The following CYP1A1 variants were observed in gnomAD, a reference collection of about 807,000 sequenced individuals.
CYP1A1 encodes the protein cytochrome P450 1A1.
A neutral mutation model predicts 33.6 loss-of-function variants in CYP1A1; 43 were observed. That is an observed-to-expected ratio of 1.28 (90% CI 1.00 to 1.65). The LOEUF (loss-of-function observed/expected upper bound fraction) is 1.65. Ranked by LOEUF, CYP1A1 falls within the 40% of genes most tolerant of loss-of-function variation. The pLI, the probability that CYP1A1 is intolerant of heterozygous loss-of-function variation, is 0.00. For synonymous variants in CYP1A1, 280 were observed against 257.8 expected (o/e 1.09, Z -0.83); for missense variants, 637 against 653.7 (o/e 0.97, Z 0.28).
Position 74,723,073 on chromosome 15 carries a change from C to A in CYP1A1, c.25G>T (p.Ala9Ser). ...ACAGAGGCCAGAAGAAACTCCGTGG[C>A]CGACATGGAGATTGGGAAAAGCATG... MLFPISMSATEFLLASVIF... is the reference protein window; with the variant it reads MLFPISMSSTEFLLASVIF... The change falls in exon 2 of 7, where the codon GCC (alanine) becomes TCC (serine). Residue 9 changes from alanine to serine, a missense_variant. Physicochemically the swap from Ala to Ser is moderately conservative, Grantham distance 99. Coordinates refer to ENST00000379727, the MANE Select transcript of CYP1A1 (RefSeq NM_001319217.2). 6.3e-7 allele frequency: 1 copy of A among 1,593,950 alleles called. No homozygotes were observed. The highest frequency in any genetic ancestry group is 8.6e-7 in the Non-Finnish European group (1 of 1,167,600).
intron 1 of CYP1A1, among the ~76,000 whole-genome samples, chr15:74,723,538 C>T (rs4986885): frequency 0.012 from 1,767 of 152,310 alleles, 18 homozygotes; most frequent in South Asian, 0.021. Context: ...ATTTACTTCA[C>T]ATTTTCCTAA....
At chr15:74,725,419 C>T (rs2063207996) in intron 1 of CYP1A1, 22 bp downstream of exon 1, 1 of 152,188 alleles carries the variant, frequency 6.6e-6, no homozygotes, top group African/African-American at 2.4e-5. Context: ...AAGGGCAAGC[C>T]AGAAGTCCCC....
Position 74,723,878 on chromosome 15 carries a change from C to T in CYP1A1, c.-29-752G>A, listed in dbSNP as rs377726792. Among the ~76,000 whole-genome samples the T allele has an allele frequency of 8.5e-5, 13 of 152,298 alleles. No homozygotes were observed. In the East Asian group the frequency reaches 1.5e-3, roughly 18 times the overall value. On this transcript the variant is annotated intron_variant, in intron 1 of 6. Transcript: ENST00000379727. ...ACCTCCTTTTGAAGAGTGGTCAGATCAATGAAGGAATTTTCCCAGAACCCT... is the reference window on the plus strand; with the variant it reads ...ACCTCCTTTTGAAGAGTGGTCAGATTAATGAAGGAATTTTCCCAGAACCCT...
rs2063155142 is a variant in CYP1A1 at position 74,719,951 on chromosome 15, A to G, written c.*538T>C. ...AAGGGCAGAGGAATGTGATGTTCCC[A>G]GGAACTGTGTCCTAGACCCATAGGG... On this transcript the variant is annotated 3_prime_UTR_variant, in exon 7 of 7. Coordinates refer to ENST00000379727, the MANE Select transcript of CYP1A1 (RefSeq NM_001319217.2). 6.6e-6 allele frequency: 1 copy of G among 152,362 alleles called. No homozygotes were observed. The highest frequency in any genetic ancestry group is 2.1e-4 in the South Asian group (1 of 4,832). 9.4% of individuals were successfully genotyped at this position (152,362 alleles called of 1,614,324 possible). A position where few individuals can be genotyped will look rare whatever the true frequency, so the allele number is the denominator to read the frequency against.
rs1295028043 is a variant in CYP1A1, at chr15:74,721,186, C to A, written c.1166+13G>T. The A allele has an allele frequency of 6.2e-7, 1 of 1,610,240 alleles. No homozygotes were observed. Among genetic ancestry groups the A allele is most frequent in the Non-Finnish European group, 8.5e-7 (1 of 1,178,082 alleles). Reference sequence around the variant, plus strand: ...GATCAGTAACAGACAGCAGTGGCTCCATGGGGCCTTACCTGTGGGGGATGG... The same window carrying A: ...GATCAGTAACAGACAGCAGTGGCTCAATGGGGCCTTACCTGTGGGGGATGG... On this transcript the variant is annotated intron_variant, in intron 5 of 6. Coordinates refer to ENST00000379727, the MANE Select transcript of CYP1A1 (RefSeq NM_001319217.2).
At chr15:74,720,832 G>A in intron 6 of CYP1A1, 58 bp from the exon 7 acceptor site, 3 of 1,576,232 alleles carry the variant, frequency 1.9e-6, no homozygotes, top group Non-Finnish European at 1.7e-6. Context: ...TGTCAAGTGA[G>A]TGGAGCTCCA....
Position 74,721,655 on chromosome 15 carries a change from C to G in CYP1A1, c.888G>C (p.Glu296Asp), listed in dbSNP as rs1407021428. 6.2e-7 allele frequency: 1 copy of G among 1,613,994 alleles called. No individual in the cohort carries two copies. Among genetic ancestry groups the G allele is most frequent in the Non-Finnish European group, 8.5e-7 (1 of 1,180,040 alleles). Reference sequence around the variant, plus strand: ...CATCTGACAGCTGGACATTGGCGTTCTCATCCAGCTGCTTCTCCTGACAGT... The same window carrying G: ...CATCTGACAGCTGGACATTGGCGTTGTCATCCAGCTGCTTCTCCTGACAGT... ...IEHCQEKQLD[E>D]NANVQLSDEK... Residue 296 changes from glutamate (E) to aspartate (D), a missense_variant, in exon 3 of 7, where the codon GAG (glutamate) becomes GAC (aspartate). Coordinates refer to ENST00000379727, the MANE Select transcript of CYP1A1 (RefSeq NM_001319217.2).
intron 1 of CYP1A1, among the ~76,000 whole-genome samples, chr15:74,724,425 T>C (rs1389583885): frequency 6.6e-6 from 1 of 151,954 alleles, no homozygotes; most frequent in African/African-American, 2.4e-5. Flanking sequence ...ATTTTACTTT[T>C]CTGGGGTCCA....
rs755794714 is a variant in CYP1A1 at position 74,721,605 on chromosome 15, T to C, written c.938A>G (p.Asp313Gly). 2.5e-6 allele frequency: 4 copies of C among 1,613,974 alleles called. No individual in the cohort carries two copies. In the East Asian group the frequency reaches 6.7e-5, roughly 27 times the overall value. The change falls in exon 3 of 7, where the codon GAC (aspartate) becomes GGC (glycine). Residue 313 changes from aspartate (D) to glycine (G), a missense_variant. By Grantham distance (94) the Asp-to-Gly change is moderately conservative. Coordinates refer to ENST00000379727, the MANE Select transcript of CYP1A1 (RefSeq NM_001319217.2). ...SDEKIINIVLDLFGAGFDTVT... is the reference protein window; with the variant it reads ...SDEKIINIVLGLFGAGFDTVT... ...GGTAACCATACCAGCTCCAAAGAGGTCCAAGACGATGTTAATGATCTTCTC... is the reference window on the plus strand; with the variant it reads ...GGTAACCATACCAGCTCCAAAGAGGCCCAAGACGATGTTAATGATCTTCTC...
In CYP1A1 at chr15:74,723,139, G is replaced by T; in HGVS notation, c.-29-13C>A. ...TTGGAGGTGGCTGCTGAGAGAAGGTGCAGGAAGAAAAAAAGTCAAGCCGTC... is the reference window on the plus strand; with the variant it reads ...TTGGAGGTGGCTGCTGAGAGAAGGTTCAGGAAGAAAAAAAGTCAAGCCGTC... On this transcript the variant is annotated splice_polypyrimidine_tract_variant and intron_variant, in intron 1 of 6. Transcript: ENST00000379727. 6.9e-7 allele frequency: 1 copy of T among 1,452,768 alleles called. No homozygotes were observed. 90.0% of individuals were successfully genotyped at this position (1,452,768 alleles called of 1,614,324 possible). A position where few individuals can be genotyped will look rare whatever the true frequency, so the allele number is the denominator to read the frequency against.
In CYP1A1 at chr15:74,721,721, A is replaced by T. The variant is rs754996094; in HGVS notation, c.826-4T>A. The T allele has an allele frequency of 6.2e-7, 1 of 1,613,614 alleles. No homozygotes were observed. Among genetic ancestry groups the T allele is most frequent in the East Asian group, 2.2e-5 (1 of 44,886 alleles). ...CTGTGATGTCCCGGATGTGGCCCTT[A>T]GGTAGGGAAAGTCCACAGGTGAGCA... On this transcript the variant is annotated splice_polypyrimidine_tract_variant and splice_region_variant and intron_variant, in intron 2 of 6. Transcript: ENST00000379727.
At chr15:74,723,893 C>T (rs1397580585) in intron 1 of CYP1A1, among the ~76,000 whole-genome samples, 5 of 152,166 alleles carry the variant, frequency 3.3e-5, no homozygotes, top group Non-Finnish European at 7.4e-5. Flanking sequence ...AAGGAATTTT[C>T]CCAGAACCCT....
intron 1 of CYP1A1, among the ~76,000 whole-genome samples, chr15:74,724,427 T>C (rs2063199308): frequency 6.6e-6 from 1 of 152,010 alleles, no homozygotes; most frequent in Non-Finnish European, 1.5e-5. Flanking sequence ...TTTACTTTTC[T>C]GGGGTCCAAT....
chr15:74,721,745 C>G (rs2063172462), intron 2 of CYP1A1, 28 bp from the exon 3 acceptor site: 1 of 1,609,964 alleles, frequency 6.2e-7, no homozygotes, highest in Non-Finnish European at 8.5e-7. Context: ...CACAGGTGAG[C>G]AAGATCTCAA....
At position 74,721,734 on chromosome 15, in the gene CYP1A1, C is replaced by T; in HGVS notation, c.826-17G>A. 6.2e-7 allele frequency: 1 copy of T among 1,612,400 alleles called. No homozygotes were observed. Among genetic ancestry groups the T allele is most frequent in the Non-Finnish European group, 8.5e-7 (1 of 1,179,314 alleles). On this transcript the variant is annotated splice_polypyrimidine_tract_variant and intron_variant, in intron 2 of 6. Coordinates refer to ENST00000379727, the MANE Select transcript of CYP1A1 (RefSeq NM_001319217.2). ...GATGTGGCCCTTAGGTAGGGAAAGT[C>T]CACAGGTGAGCAAGATCTCAAACCC...
chr15:74,721,353 G>A, intron 4 of CYP1A1, 31 bp from the exon 5 acceptor site: 1 of 1,613,888 alleles, frequency 6.2e-7, no homozygotes. Context: ...ATGGATGCAG[G>A]GGCTGCCTAG....
rs779416051 is a variant in CYP1A1 at position 74,722,433 on chromosome 15, T to C, written c.665A>G (p.Asn222Ser). The C allele has an allele frequency of 3.1e-6, 5 of 1,613,878 alleles. No individual in the cohort carries two copies. In the African/African-American group the frequency reaches 4.0e-5, roughly 13 times the overall value. ...QELLSLVNLN[N>S]NFGEVVGSGN... ...AGAGCCAACCACCTCCCCGAAATTA[T>C]TATTCAGGTTGACTAGGCTAAGCAG... Residue 222 changes from asparagine to serine, a missense_variant, in exon 2 of 7, where the codon AAT becomes AGT. Asn to Ser is a conservative substitution (Grantham distance 46). Transcript: ENST00000379727.
chr15:74,725,377 A>T (rs2063207709), intron 1 of CYP1A1, 64 bp downstream of exon 1: 2 of 152,194 alleles, frequency 1.3e-5, no homozygotes, highest in Non-Finnish European at 2.9e-5. Flanking sequence ...GAAGTCCTGG[A>T]GGCACCAAAA....
intron 4 of CYP1A1, 33 bp from the exon 5 acceptor site, chr15:74,721,355 G>T (rs751992240): frequency 6.8e-6 from 11 of 1,613,914 alleles, no homozygotes; most frequent in Non-Finnish European, 7.6e-6. Context: ...GGATGCAGGG[G>T]CTGCCTAGAC....
Sources: gnomAD v4.1 joint callset for allele counts (sites outside exome capture counted in the v4.1 genomes callset) on GRCh38, gnomAD v4.1.1 for gene constraint, MANE v1.5 for transcripts, NCBI Gene and HGNC (gene_info 2026-07-23, HGNC 2026-07-21) for gene names.